CNTNAP2: variants seen among roughly 807,000 people sequenced by gnomAD.
CNTNAP2 encodes the protein contactin associated protein 2, also known as contactin-associated protein-like 2.
CNTNAP2 carries 98 observed loss-of-function variants against 155.2 expected under a neutral mutation model. The ratio of observed to expected loss-of-function variants is 0.63; its 90% CI spans 0.54 to 0.75. CNTNAP2 has a LOEUF of 0.75. Ranked by LOEUF, CNTNAP2 falls within the 30% of genes least tolerant of loss-of-function variation. CNTNAP2 has a pLI of 0.00. For missense variants in CNTNAP2, 1,727 were observed against 1,688.1 expected, an observed-to-expected ratio of 1.02 and a Z score of -0.40; for synonymous variants, 651 against 631.2, an observed-to-expected ratio of 1.03 and a Z score of -0.47.
intron 11 of CNTNAP2, among the ~76,000 whole-genome samples, chr7:147,503,484 G>T (rs7792855): frequency 0.38 from 57,023 of 151,828 alleles, 11,199 homozygotes; most frequent in Non-Finnish European, 0.43. Flanking sequence ...TGCCACACCT[G>T]CTCCTGTCCA....
rs748908765 is a variant in CNTNAP2, at chr7:146,116,894, C to A, written c.18C>A (p.Arg6=). MQAAP[R]AGCGAALLLW... is the part of the protein sequence containing the mutation. ...GGCGAAGGATGCAGGCGGCTCCGCG[C>A]GCCGGCTGCGGGGCAGCGCTCCTGC... Residue 6 remains arginine (R), a synonymous_variant, in exon 1 of 24, where the codon CGC becomes CGA. Transcript: ENST00000361727. This position sits in a 1 kb window ranked among gnomAD's most constrained non-coding sequence, Gnocchi z 5.5. 5.2e-6 allele frequency: 8 copies of A among 1,546,070 alleles called. No homozygotes were observed. The Admixed American group carries it at 1.4e-4, about 26-fold the overall frequency.
chr7:147,868,107 G>A (rs1352911719), intron 13 of CNTNAP2, among the ~76,000 whole-genome samples: 2 of 152,098 alleles, frequency 1.3e-5, no homozygotes, highest in African/African-American at 4.8e-5. Flanking sequence ...TGGTCTATGT[G>A]ATGGTGACCT....
intron 1 of CNTNAP2, among the ~76,000 whole-genome samples, chr7:146,557,587 A>C (rs998650290): frequency 8.5e-5 from 13 of 152,092 alleles, no homozygotes; most frequent in African/African-American, 3.1e-4. Context: ...ATTCTCAGAA[A>C]GTTAAAAGCC....
intron 15 of CNTNAP2, among the ~76,000 whole-genome samples, chr7:148,102,578 C>T (rs754141013): frequency 1.3e-5 from 2 of 152,188 alleles, no homozygotes; most frequent in Admixed American, 6.5e-5. Context: ...CCCAAATTGG[C>T]ATGCCATACT....
chr7:146,691,782 A>G (rs887600226), intron 1 of CNTNAP2, among the ~76,000 whole-genome samples: 7 of 152,078 alleles, frequency 4.6e-5, no homozygotes, highest in African/African-American at 1.7e-4. Flanking sequence ...TCAAATCTCT[A>G]TGTCTTGCAA....
intron 15 of CNTNAP2, among the ~76,000 whole-genome samples, chr7:148,103,205 GC>G (rs1464766632): frequency 7.4e-6 from 1 of 135,782 alleles, no homozygotes; most frequent in Admixed American, 7.5e-5. Context: ...GAGGTATGTA[GC>G]TTTTTTTTTT....
intron 10 of CNTNAP2, among the ~76,000 whole-genome samples, chr7:147,475,189 T>C (rs190543161): frequency 6.6e-5 from 10 of 152,348 alleles, no homozygotes; most frequent in Admixed American, 5.9e-4. Flanking sequence ...AATGATGCAA[T>C]AAACATTTTT....
intron 1 of CNTNAP2, among the ~76,000 whole-genome samples, chr7:146,338,392 T>G (rs1359448951): frequency 6.6e-6 from 1 of 152,076 alleles, no homozygotes; most frequent in East Asian, 1.9e-4. Context: ...AAATTGAATA[T>G]CAGTCCTGTG....
intron 9 of CNTNAP2, among the ~76,000 whole-genome samples, chr7:147,391,927 G>C (rs1019289549): frequency 3.9e-5 from 6 of 152,010 alleles, no homozygotes; most frequent in African/African-American, 1.2e-4. Context: ...GTAATGCCTG[G>C]CTTCTTCATT....
intron 10 of CNTNAP2, among the ~76,000 whole-genome samples, chr7:147,461,325 GA>G (rs1187512076): frequency 5.9e-5 from 9 of 151,834 alleles, no homozygotes; most frequent in South Asian, 2.1e-4. Flanking sequence ...GAAATGCTGA[GA>G]AAAAAAATGG....
At chr7:148,102,659 A>G (rs1357326192) in intron 15 of CNTNAP2, among the ~76,000 whole-genome samples, 1 of 152,214 alleles carries the variant, frequency 6.6e-6, no homozygotes, top group Non-Finnish European at 1.5e-5. Flanking sequence ...ATTCTGCTCA[A>G]TAAATGTAGA....
intron 1 of CNTNAP2, among the ~76,000 whole-genome samples, chr7:146,690,038 T>C (rs564008498): frequency 6.6e-6 from 1 of 152,018 alleles, no homozygotes; most frequent in South Asian, 2.1e-4. Flanking sequence ...CTTAAGATAA[T>C]TTTGCAAATA....
At chr7:146,580,722 A>G (rs1326174943) in intron 1 of CNTNAP2, among the ~76,000 whole-genome samples, 1 of 152,090 alleles carries the variant, frequency 6.6e-6, no homozygotes, top group East Asian at 1.9e-4. Context: ...AGGAAATGTT[A>G]GAATTGCTGA....
chr7:147,127,825 T>C (rs953833110), intron 6 of CNTNAP2, among the ~76,000 whole-genome samples: 5 of 152,186 alleles, frequency 3.3e-5, no homozygotes, highest in Non-Finnish European at 7.4e-5. Flanking sequence ...TTAAAAGATA[T>C]ATATTACAAG....
chr7:147,442,606 A>C (rs1289136900), intron 10 of CNTNAP2, among the ~76,000 whole-genome samples: 1 of 152,114 alleles, frequency 6.6e-6, no homozygotes, highest in Non-Finnish European at 1.5e-5. Context: ...TAGCTGGAAA[A>C]GTGCTGAGTC....
At chr7:147,587,732 C>G (rs938002557) in intron 12 of CNTNAP2, among the ~76,000 whole-genome samples, 2 of 152,076 alleles carry the variant, frequency 1.3e-5, no homozygotes, top group Non-Finnish European at 2.9e-5. Flanking sequence ...GCAAATAAGA[C>G]GCATAGTGGT....
At chr7:147,115,791 C>A (rs1800974953) in intron 5 of CNTNAP2, among the ~76,000 whole-genome samples, 1 of 152,130 alleles carries the variant, frequency 6.6e-6, no homozygotes, top group Non-Finnish European at 1.5e-5. Context: ...TATTACCCAC[C>A]TTCTGCAGCC....
chr7:147,186,460 A>G (rs1269700037), intron 8 of CNTNAP2, among the ~76,000 whole-genome samples: 1 of 152,188 alleles, frequency 6.6e-6, no homozygotes, highest in Non-Finnish European at 1.5e-5. Context: ...AGAGAAGCCA[A>G]GAAACACAGT....
intron 1 of CNTNAP2, among the ~76,000 whole-genome samples, chr7:146,340,168 CAA>C (rs1195946572): frequency 0.049 from 2,707 of 54,762 alleles, 36 homozygotes; most frequent in African/African-American, 0.14. Context: ...GACTCCGCCT[CAA>C]AAAAAAAAAA....
Sources: gnomAD v4.1 joint callset for allele counts (sites outside exome capture counted in the v4.1 genomes callset) on GRCh38, gnomAD v4.1.1 for gene constraint, Gnocchi (gnomAD v3.1) non-coding constraint, MANE v1.5 for transcripts, NCBI Gene and HGNC (gene_info 2026-07-23, HGNC 2026-07-21) for gene names.